Variants in SLC25A34 observed in about 807,000 individuals in gnomAD.
The protein encoded by SLC25A34 is solute carrier family 25 member 34.
Under a neutral mutation model 28.1 loss-of-function variants are expected in SLC25A34, and 26 were observed. That is an observed-to-expected ratio of 0.93 (90% confidence interval 0.68 to 1.28). SLC25A34 has a LOEUF of 1.28. Among genes scored for constraint, SLC25A34 ranks in the 50% most tolerant of loss-of-function variants. The pLI is 0.00. For synonymous variants in SLC25A34, 182 were observed against 182.2 expected, an observed-to-expected ratio of 1.00 and a Z score of 0.01; for missense variants, 384 against 409.8, an observed-to-expected ratio of 0.94 and a Z score of 0.54.
Position 15,736,479 on chromosome 1 carries a change from G to A in SLC25A34, c.-7G>A, listed in dbSNP as rs763561731. Reference sequence around the variant, plus strand: ...CCCGGGCACAGAAGGCCACTGGCCCGGAGGCCATGGAGACGGTGCCCCCAG... The same window carrying A: ...CCCGGGCACAGAAGGCCACTGGCCCAGAGGCCATGGAGACGGTGCCCCCAG... On this transcript the variant is annotated 5_prime_UTR_variant, in exon 1 of 5. Transcript: ENST00000294454. 33 of 1,439,986 alleles carry A rather than the reference G, an allele frequency of 2.3e-5. No homozygotes were observed. The highest frequency in any genetic ancestry group is 4.5e-5 in the South Asian group (3 of 66,224). The allele number at this position is 1,439,986 out of a possible 1,614,324, so 89.2% of individuals were successfully genotyped here. A position where few individuals can be genotyped will look rare whatever the true frequency, so the allele number is the denominator to read the frequency against.
intron 1 of SLC25A34, among the ~76,000 whole-genome samples, chr1:15,737,396 C>T (rs1219633219): frequency 6.6e-6 from 1 of 152,148 alleles, no homozygotes; most frequent in African/African-American, 2.4e-5. Context: ...TGGTGAAACC[C>T]TGTCTCTGCT....
chr1:15,738,455 G>A (rs923066071), intron 3 of SLC25A34, 139 bp from the exon 4 acceptor site: 5 of 1,344,312 alleles, frequency 3.7e-6, no homozygotes, highest in Non-Finnish European at 5.0e-6. Context: ...GGGTGGCAGG[G>A]CTGGGGGATG....
chr1:15,738,367 TCA>T, intron 3 of SLC25A34, 122 bp downstream of exon 3: 1 of 1,386,424 alleles, frequency 7.2e-7, no homozygotes, highest in South Asian at 1.5e-5. Context: ...GCCTCTGCCC[TCA>T]GAGTCGTGAC....
At chr1:15,737,355 G>A (rs1035140429) in intron 1 of SLC25A34, among the ~76,000 whole-genome samples, 14 of 152,330 alleles carry the variant, frequency 9.2e-5, no homozygotes, top group African/African-American at 3.4e-4. Flanking sequence ...GATCACCTGA[G>A]GTCAGGAGTT....
At chr1:15,739,100 G>A in intron 4 of SLC25A34, 124 bp from the exon 5 acceptor site, 3 of 1,236,982 alleles carry the variant, frequency 2.4e-6, no homozygotes, top group Middle Eastern at 4.0e-4. Context: ...CCTCACAGGT[G>A]TGTCCAATAC....
In SLC25A34 at chr1:15,738,731, G is replaced by A; in HGVS notation, c.732+3G>A. 6.4e-7 allele frequency: 1 copy of A among 1,565,890 alleles called. No homozygotes were observed. The highest frequency in any genetic ancestry group is 8.6e-7 in the Non-Finnish European group (1 of 1,156,232). ...AGCCGGTGGACACAGCTGGCAGGGTGAGCAGGGGCGGGTCTAGGGGAGACC... is the reference window on the plus strand; with the variant it reads ...AGCCGGTGGACACAGCTGGCAGGGTAAGCAGGGGCGGGTCTAGGGGAGACC... On this transcript the variant is annotated splice_donor_region_variant and intron_variant, in intron 4 of 4. Coordinates refer to ENST00000294454, the MANE Select transcript of SLC25A34 (RefSeq NM_207348.3).
chr1:15,738,951 A>G (rs1485917614), intron 4 of SLC25A34: 4 of 609,178 alleles, frequency 6.6e-6, no homozygotes, highest in Non-Finnish European at 1.1e-5. Flanking sequence ...TTCCATCCTT[A>G]TAATCACATT....
At chr1:15,738,365 C>T in intron 3 of SLC25A34, 120 bp downstream of exon 3, 2 of 1,392,756 alleles carry the variant, frequency 1.4e-6, no homozygotes, top group South Asian at 3.0e-5. Flanking sequence ...CTGCCTCTGC[C>T]CTCAGAGTCG....
chr1:15,736,619 C>G lies in SLC25A34; in HGVS notation c.134C>G (p.Thr45Ser). The change falls in exon 1 of 5, where the codon ACC becomes AGC. Residue 45 changes from threonine to serine, a missense_variant. Thr to Ser is a moderately conservative substitution (Grantham distance 58). Coordinates refer to ENST00000294454, the MANE Select transcript of SLC25A34 (RefSeq NM_207348.3). ...CAGGGGGAGCTGCAGGCCCGGGGCA[C>G]CTACCCACGGCCCTACCATGGCTTC... Reference protein sequence around the residue: ...QLQGELQARGTYPRPYHGFIA... With the variant: ...QLQGELQARGSYPRPYHGFIA... 6.4e-7 allele frequency: 1 copy of G among 1,570,908 alleles called. No homozygotes were observed. The highest frequency in any genetic ancestry group is 8.6e-7 in the Non-Finnish European group (1 of 1,158,592).
intron 1 of SLC25A34, chr1:15,737,702 G>A (rs1056843847): frequency 1.1e-5 from 6 of 565,596 alleles, no homozygotes; most frequent in Non-Finnish European, 1.6e-5. Flanking sequence ...CAGAATTGAG[G>A]CCCAGAAAAG....
At chr1:15,738,772 C>A in intron 4 of SLC25A34, 44 bp downstream of exon 4, 2 of 1,473,446 alleles carry the variant, frequency 1.4e-6, no homozygotes, top group Non-Finnish European at 1.8e-6. Flanking sequence ...GAGCTGGGAG[C>A]ACCCCCCCAA....
In SLC25A34 at chr1:15,738,619, TG is replaced by T; in HGVS notation, c.625del (p.Ala209ProfsTer6). ...QQWLPEDSWLVALAGGMISSI... is the reference protein window; with the variant it reads ...QQWLPEDSWLXALAGGMISSI... ...TGGCTCCCTGAGGACAGCTGGCTGGTGGCCCTGGCTGGGGGCATGATCAGCA... is the reference window on the plus strand; with the variant it reads ...TGGCTCCCTGAGGACAGCTGGCTGGTGCCCTGGCTGGGGGCATGATCAGCA... On this transcript the variant is annotated frameshift_variant, in exon 4 of 5. Coordinates refer to ENST00000294454, the MANE Select transcript of SLC25A34 (RefSeq NM_207348.3). LOFTEE classifies it high-confidence loss of function. 1 of 1,607,522 alleles carries T rather than the reference TG, an allele frequency of 6.2e-7. No homozygotes were observed. The highest frequency in any genetic ancestry group is 8.5e-7 in the Non-Finnish European group (1 of 1,178,308).
At position 15,738,256 on chromosome 1, in the gene SLC25A34, G is replaced by C; in HGVS notation, c.597+11G>C. ...GTACAGAAGCAACAGGTGAGGAGCT[G>C]GGGACACCTGTGCCTATCCACAGAG... On this transcript the variant is annotated intron_variant, in intron 3 of 4. Transcript: ENST00000294454. 6.3e-7 allele frequency: 1 copy of C among 1,588,050 alleles called. No individual in the cohort carries two copies.
intron 3 of SLC25A34, 86 bp from the exon 4 acceptor site, chr1:15,738,508 G>T (rs947633633): frequency 1.3e-6 from 2 of 1,529,254 alleles, no homozygotes; most frequent in African/African-American, 2.8e-5. Flanking sequence ...AGCCCTTTTA[G>T]CCCCTGTGTG....
intron 3 of SLC25A34, 76 bp downstream of exon 3, chr1:15,738,321 C>A (rs772275148): frequency 1.3e-6 from 2 of 1,498,694 alleles, no homozygotes; most frequent in South Asian, 1.4e-5. Context: ...TCCTTCCACA[C>A]GGGGAAGACC....
chr1:15,738,634 G>T lies in SLC25A34; in HGVS notation c.638G>T (p.Gly213Val), dbSNP rs776030208. 2.5e-6 allele frequency: 4 copies of T among 1,609,420 alleles called. No individual in the cohort carries two copies. The highest frequency in any genetic ancestry group is 2.2e-5 in the East Asian group (1 of 44,784). Residue 213 changes from glycine (G) to valine (V), a missense_variant, in exon 4 of 5, where the codon GGC becomes GTC. Physicochemically the swap from Gly to Val is moderately radical, Grantham distance 109. Coordinates refer to ENST00000294454, the MANE Select transcript of SLC25A34 (RefSeq NM_207348.3). ...EDSWLVALAG[G>V]MISSIAVVVV... Reference sequence around the variant, plus strand: ...AGCTGGCTGGTGGCCCTGGCTGGGGGCATGATCAGCAGCATAGCCGTGGTT... The same window carrying T: ...AGCTGGCTGGTGGCCCTGGCTGGGGTCATGATCAGCAGCATAGCCGTGGTT...
intron 1 of SLC25A34, 60 bp from the exon 2 acceptor site, chr1:15,737,869 C>G (rs2068240250): frequency 6.3e-7 from 1 of 1,597,448 alleles, no homozygotes; most frequent in African/African-American, 1.3e-5. Flanking sequence ...TCAACACACA[C>G]AGCTCACCCT....
intron 1 of SLC25A34, 129 bp from the exon 2 acceptor site, chr1:15,737,800 A>G: frequency 9.9e-7 from 1 of 1,012,366 alleles, no homozygotes; most frequent in Non-Finnish European, 1.5e-6. Flanking sequence ...CTTGACCCCT[A>G]AGCTTCAGGC....
rs1352632574 is a variant in SLC25A34 at position 15,737,170 on chromosome 1, C to T, written c.378+307C>T. Reference sequence around the variant, plus strand: ...TTCTCTTCCCGCATGGCCTCATGTACGATAAGAATAAAAGCTACCCTTGAG... The same window carrying T: ...TTCTCTTCCCGCATGGCCTCATGTATGATAAGAATAAAAGCTACCCTTGAG... On this transcript the variant is annotated intron_variant, in intron 1 of 4. Coordinates refer to ENST00000294454, the MANE Select transcript of SLC25A34 (RefSeq NM_207348.3). Among the ~76,000 whole-genome samples the T allele has an allele frequency of 2.0e-5, 3 of 152,196 alleles. No homozygotes were observed. In the East Asian group the frequency reaches 5.8e-4, roughly 29 times the overall value.
Sources: gnomAD v4.1 joint callset for allele counts (sites outside exome capture counted in the v4.1 genomes callset) on GRCh38, gnomAD v4.1.1 for gene constraint, MANE v1.5 for transcripts, NCBI Gene and HGNC (gene_info 2026-07-23, HGNC 2026-07-21) for gene names.